Variants in BBS4 observed in about 807,000 individuals in gnomAD.
BBS4 encodes the protein BBSome complex member BBS4.
Under a neutral mutation model 71.4 loss-of-function variants are expected in BBS4, and 58 were observed. The observed-to-expected ratio is 0.81, with a 90% CI of 0.66 to 1.01. The LOEUF is 1.01. BBS4 is among the 50% of genes least tolerant of loss of function. The pLI, the probability that BBS4 is intolerant of heterozygous loss-of-function variation, is 0.00. For synonymous variants in BBS4, 228 were observed against 216.8 expected, an observed-to-expected ratio of 1.05 and a Z score of -0.46; for missense variants, 660 against 607.9, an observed-to-expected ratio of 1.09 and a Z score of -0.90.
intron 1 of BBS4, among the ~76,000 whole-genome samples, chr15:72,693,296 C>G (rs2065019627): frequency 6.6e-6 from 1 of 152,048 alleles, no homozygotes; most frequent in South Asian, 2.1e-4. Context: ...CTCCTTTGTT[C>G]TGGGATTATT....
intron 1 of BBS4, among the ~76,000 whole-genome samples, chr15:72,691,512 A>G (rs1028084611): frequency 2.0e-5 from 3 of 152,100 alleles, no homozygotes; most frequent in African/African-American, 7.2e-5. Context: ...ATATATGTTT[A>G]TATATATCCT....
At chr15:72,726,074 CTTTG>C (rs949303264) in intron 8 of BBS4, among the ~76,000 whole-genome samples, 5 of 139,236 alleles carry the variant, frequency 3.6e-5, no homozygotes, top group Admixed American at 7.6e-5. Flanking sequence ...TCCCATCTTT[CTTTG>C]TTTCTTTCTT....
intron 1 of BBS4, 73 bp downstream of exon 1, chr15:72,686,324 C>T: frequency 6.5e-7 from 1 of 1,547,788 alleles, no homozygotes; most frequent in Non-Finnish European, 8.7e-7. Flanking sequence ...TTGTCCCATG[C>T]AGCGGTTCCT....
intron 6 of BBS4, chr15:72,717,062 A>G (rs998201050): frequency 3.5e-6 from 2 of 570,668 alleles, no homozygotes; most frequent in Non-Finnish European, 6.2e-6. Context: ...CAGTTTGCTG[A>G]CGAGCAGTCT....
intron 12 of BBS4, 74 bp downstream of exon 12, chr15:72,731,800 T>A: frequency 1.3e-6 from 2 of 1,565,814 alleles, no homozygotes; most frequent in Non-Finnish European, 1.8e-6. Flanking sequence ...TCATAGAAGA[T>A]CAGTGGCTGT....
intron 2 of BBS4, among the ~76,000 whole-genome samples, chr15:72,706,416 G>A (rs528972292): frequency 2.0e-5 from 3 of 152,254 alleles, no homozygotes; most frequent in East Asian, 3.9e-4. Context: ...GATTACAGGC[G>A]TGAGTCACCA....
intron 13 of BBS4, chr15:72,735,512 T>C (rs1343331317): frequency 1.1e-5 from 6 of 522,954 alleles, no homozygotes; most frequent in Non-Finnish European, 6.9e-6. Context: ...AGATAAAACT[T>C]GACTCTTCCA....
rs751505498 is a variant in BBS4, at chr15:72,716,860, GAACTTTC to G, written c.405+12_405+18del. ...CAACCAGAAAGATTGGGTAAGTAGA[GAACTTTC>G]AGTTCTTTCTTATTAGTAAACTTGC... On this transcript the variant is annotated intron_variant, in intron 6 of 15. Coordinates refer to ENST00000268057, the MANE Select transcript of BBS4 (RefSeq NM_033028.5). The G allele has an allele frequency of 6.3e-7, 1 of 1,592,646 alleles. No homozygotes were observed. Among genetic ancestry groups the G allele is most frequent in the Non-Finnish European group, 8.6e-7 (1 of 1,162,986 alleles).
intron 2 of BBS4, 97 bp from the exon 3 acceptor site, chr15:72,709,603 A>G (rs2065328725): frequency 1.1e-6 from 1 of 871,540 alleles, no homozygotes; most frequent in Admixed American, 1.7e-5. Context: ...TTAATGTGAT[A>G]TTGCAGTATG....
At chr15:72,690,482 G>A (rs1287080040) in intron 1 of BBS4, among the ~76,000 whole-genome samples, 1 of 152,100 alleles carries the variant, frequency 6.6e-6, no homozygotes, top group Non-Finnish European at 1.5e-5. Flanking sequence ...GACCTTTGAA[G>A]GTGCTTTTTG....
In BBS4 at chr15:72,737,795, A is replaced by G. The variant is rs1173845899; in HGVS notation, c.*208A>G. The G allele has an allele frequency of 1.7e-6, 1 of 592,006 alleles. No homozygotes were observed. Among genetic ancestry groups the G allele is most frequent in the South Asian group, 1.5e-5 (1 of 65,644 alleles). The allele number at this position is 592,006 out of a possible 1,614,324, so 36.7% of individuals were successfully genotyped here. On this transcript the variant is annotated 3_prime_UTR_variant, in exon 16 of 16. Transcript: ENST00000268057. ...GAAACCCTCTACTGCCCCATAAGCC[A>G]GGAAAAGTGAAAAGAGAACACAGTT...
intron 6 of BBS4, among the ~76,000 whole-genome samples, chr15:72,718,859 TATG>T (rs553041099): frequency 2.0e-5 from 3 of 152,244 alleles, no homozygotes; most frequent in Non-Finnish European, 4.4e-5. Context: ...GGATTTTGGA[TATG>T]ATAAGTTTTA....
chr15:72,730,466 C>A (rs755506899), intron 10 of BBS4, among the ~76,000 whole-genome samples: 1 of 151,866 alleles, frequency 6.6e-6, no homozygotes, highest in African/African-American at 2.4e-5. Flanking sequence ...GTGGCACACA[C>A]CTGTAGTCCT....
At chr15:72,733,253 G>C (rs2065860434) in intron 12 of BBS4, among the ~76,000 whole-genome samples, 1 of 152,044 alleles carries the variant, frequency 6.6e-6, no homozygotes, top group South Asian at 2.1e-4. Flanking sequence ...CCAGGAGTTG[G>C]GAGTACAGCC....
intron 12 of BBS4, among the ~76,000 whole-genome samples, chr15:72,734,693 T>C (rs2065887170): frequency 6.6e-6 from 1 of 152,062 alleles, no homozygotes; most frequent in Non-Finnish European, 1.5e-5. Flanking sequence ...GGGGGGAGTG[T>C]TTTACTGCTA....
chr15:72,736,273 G>A (rs1018112059), intron 14 of BBS4, among the ~76,000 whole-genome samples: 21 of 124,584 alleles, frequency 1.7e-4, no homozygotes, highest in South Asian at 7.2e-4. Flanking sequence ...ACGGAATCTC[G>A]CTCTGTTGCC....
rs1056830979 is a variant in BBS4, at chr15:72,709,784, G to C, written c.156+5G>C. 2 of 1,610,406 alleles carry C rather than the reference G, an allele frequency of 1.2e-6. No individual in the cohort carries two copies. The highest frequency in any genetic ancestry group is 1.7e-6 in the Non-Finnish European group (2 of 1,177,050). On this transcript the variant is annotated splice_donor_5th_base_variant and intron_variant, in intron 3 of 15. Coordinates refer to ENST00000268057, the MANE Select transcript of BBS4 (RefSeq NM_033028.5). ...AAAGATTATGAAGCCTGCAAGGTAA[G>C]AGATTGCCATAATAATAAAAATGAG...
intron 1 of BBS4, 126 bp from the exon 2 acceptor site, chr15:72,695,051 A>C: frequency 1.4e-6 from 1 of 695,102 alleles, no homozygotes; most frequent in Non-Finnish European, 2.5e-6. Context: ...ACTCTATCAC[A>C]ATATGGATTT....
intron 2 of BBS4, among the ~76,000 whole-genome samples, chr15:72,695,573 C>T (rs534871648): frequency 1.3e-5 from 2 of 152,278 alleles, no homozygotes; most frequent in South Asian, 2.1e-4. Context: ...AGGCGTGAGC[C>T]GCCACGCCTG....
Sources: gnomAD v4.1 joint callset for allele counts (sites outside exome capture counted in the v4.1 genomes callset) on GRCh38, gnomAD v4.1.1 for gene constraint, MANE v1.5 for transcripts, NCBI Gene and HGNC (gene_info 2026-07-23, HGNC 2026-07-21) for gene names.